Variants in LMOD1 observed in about 807,000 individuals in gnomAD.
LMOD1 encodes leiomodin 1, also known as leiomodin-1.
Under a neutral mutation model 36.5 loss-of-function variants are expected in LMOD1, and 8 were observed. That is an observed-to-expected ratio of 0.22 (90% CI 0.13 to 0.40). The LOEUF is 0.40. Among genes scored for constraint, LMOD1 ranks in the 10% least tolerant of loss-of-function variants. The pLI is 1.00. For missense variants in LMOD1, 630 were observed against 751.1 expected (o/e 0.84, Z 1.88); for synonymous variants, 284 against 288.7 (o/e 0.98, Z 0.17).
intron 1 of LMOD1, among the ~76,000 whole-genome samples, chr1:201,941,988 C>T (rs1028250855): frequency 6.6e-6 from 1 of 152,220 alleles, no homozygotes; most frequent in African/African-American, 2.4e-5. Flanking sequence ...AAACCTGAGA[C>T]AAGGACAAGA....
intron 1 of LMOD1, among the ~76,000 whole-genome samples, chr1:201,943,363 G>T (rs569153671): frequency 6.6e-6 from 1 of 152,210 alleles, no homozygotes; most frequent in Non-Finnish European, 1.5e-5. Flanking sequence ...GAATGTGCTC[G>T]GCATGTAGAA....
chr1:201,903,108 C>T (rs1419979782), intron 1 of LMOD1, among the ~76,000 whole-genome samples: 6 of 152,312 alleles, frequency 3.9e-5, no homozygotes, highest in Middle Eastern at 3.4e-3. Context: ...GTCGCACTCT[C>T]GGGCCCAAGT....
At chr1:201,907,919 G>T (rs563516580) in intron 1 of LMOD1, among the ~76,000 whole-genome samples, 2 of 152,182 alleles carry the variant, frequency 1.3e-5, no homozygotes, top group Non-Finnish European at 2.9e-5. Context: ...CTTAGGGGAC[G>T]TGGCCGACCA....
At chr1:201,913,521 C>T (rs780960098) in intron 1 of LMOD1, among the ~76,000 whole-genome samples, 4 of 152,178 alleles carry the variant, frequency 2.6e-5, no homozygotes, top group Non-Finnish European at 5.9e-5. Context: ...GCAGGAGAAT[C>T]GTCCGAAGTC....
intron 1 of LMOD1, among the ~76,000 whole-genome samples, chr1:201,920,680 T>C (rs1232010537): frequency 6.6e-6 from 1 of 152,060 alleles, no homozygotes; most frequent in Non-Finnish European, 1.5e-5. Context: ...GTCAAGCCAT[T>C]AAATCAAGGA....
intron 1 of LMOD1, among the ~76,000 whole-genome samples, chr1:201,942,503 C>A (rs1682134496): frequency 6.6e-6 from 1 of 152,076 alleles, no homozygotes; most frequent in Non-Finnish European, 1.5e-5. Context: ...TCTGGAATAT[C>A]CCATCCCTTG....
intron 1 of LMOD1, among the ~76,000 whole-genome samples, chr1:201,928,586 G>C (rs888526493): frequency 1.2e-4 from 18 of 152,202 alleles, no homozygotes; most frequent in African/African-American, 4.3e-4. Context: ...AAGTTCTCTA[G>C]GAGAGCTGTA....
intron 1 of LMOD1, among the ~76,000 whole-genome samples, chr1:201,907,153 A>G (rs1341896581): frequency 2.0e-5 from 3 of 152,250 alleles, no homozygotes; most frequent in Non-Finnish European, 4.4e-5. Context: ...CCATAGTGGC[A>G]TATGAGCCCA....
Position 201,935,706 on chromosome 1 carries a change from A to G in LMOD1, c.261+10374T>C, listed in dbSNP as rs374008660. On this transcript the variant is annotated intron_variant, in intron 1 of 2. Transcript: ENST00000367288. ...CGAGTACCTGGGATTACAGGTGCCC[A>G]CCACCACGCCCAGCTAATTTTTGTA... 2.3e-3 allele frequency among the ~76,000 whole-genome samples: 349 copies of G among 151,488 alleles called. 1 individual carries two copies. Among genetic ancestry groups the G allele is most frequent in the African/African-American group, 8.1e-3 (337 of 41,366 alleles).
At chr1:201,932,199 T>C (rs892766227) in intron 1 of LMOD1, among the ~76,000 whole-genome samples, 1 of 151,922 alleles carries the variant, frequency 6.6e-6, no homozygotes, top group African/African-American at 2.4e-5. Context: ...AAGAGGAAAA[T>C]TACAAGTAAA....
At chr1:201,938,550 G>T (rs1682059068) in intron 1 of LMOD1, among the ~76,000 whole-genome samples, 1 of 152,078 alleles carries the variant, frequency 6.6e-6, no homozygotes, top group Admixed American at 6.5e-5. Context: ...CCCCTGAGGA[G>T]ACTATTCTAA....
intron 1 of LMOD1, among the ~76,000 whole-genome samples, chr1:201,901,647 T>C (rs71524463): frequency 0.7 from 47,608 of 67,920 alleles, 17,256 homozygotes; most frequent in Middle Eastern, 0.79. Context: ...TATATATATA[T>C]ACATATATAT....
At chr1:201,944,510 C>T (rs1052367689) in intron 1 of LMOD1, among the ~76,000 whole-genome samples, 6 of 152,160 alleles carry the variant, frequency 3.9e-5, no homozygotes, top group Non-Finnish European at 8.8e-5. Context: ...CATTTCATTT[C>T]TTTCTGTATG....
chr1:201,919,842 T>A (rs959730409), intron 1 of LMOD1, among the ~76,000 whole-genome samples: 1 of 152,100 alleles, frequency 6.6e-6, no homozygotes, highest in South Asian at 2.1e-4. Context: ...CTCTCTGGTA[T>A]CCTACTACAG....
At chr1:201,937,884 G>T (rs953159663) in intron 1 of LMOD1, among the ~76,000 whole-genome samples, 1 of 152,166 alleles carries the variant, frequency 6.6e-6, no homozygotes, top group African/African-American at 2.4e-5. Flanking sequence ...TAAAGAGCTG[G>T]CAAATTAATG....
intron 1 of LMOD1, among the ~76,000 whole-genome samples, chr1:201,901,613 C>T (rs28475159): frequency 0.072 from 1,993 of 27,490 alleles, 285 homozygotes; most frequent in African/African-American, 0.15. Context: ...TATATATACA[C>T]ATATATATGT....
intron 1 of LMOD1, among the ~76,000 whole-genome samples, chr1:201,932,008 A>G (rs1455327098): frequency 6.6e-6 from 1 of 152,138 alleles, no homozygotes; most frequent in Admixed American, 6.6e-5. Context: ...ATAGGGTTTT[A>G]ATCCACAGAG....
chr1:201,928,644 T>C (rs967819525), intron 1 of LMOD1, among the ~76,000 whole-genome samples: 7 of 152,230 alleles, frequency 4.6e-5, no homozygotes, highest in African/African-American at 1.7e-4. Context: ...TCTCCAGATA[T>C]TTTATGGAAG....
chr1:201,919,310 T>C (rs558847224), intron 1 of LMOD1, among the ~76,000 whole-genome samples: 2 of 152,030 alleles, frequency 1.3e-5, no homozygotes, highest in East Asian at 3.9e-4. Context: ...GTTCAAGCAA[T>C]TTTCCTGCCT....
Sources: allele counts gnomAD v4.1 joint callset (sites outside exome capture counted in the v4.1 genomes callset), GRCh38; gene constraint gnomAD v4.1.1; transcripts MANE v1.5; gene names NCBI Gene and HGNC (gene_info 2026-07-23, HGNC 2026-07-21).